Variants in SLCO6A1 observed in about 807,000 individuals in gnomAD.
SLCO6A1 encodes the protein solute carrier organic anion transporter family member 6A1.
Under a neutral mutation model 72.7 loss-of-function variants are expected in SLCO6A1, and 65 were observed. That is an observed-to-expected ratio of 0.89 (90% CI 0.73 to 1.10). The LOEUF (loss-of-function observed/expected upper bound fraction) is 1.10, where lower values mean the gene tolerates loss of function less well. Among genes scored for constraint, SLCO6A1 ranks in the 50% least tolerant of loss-of-function variants. The pLI, the probability that SLCO6A1 is intolerant of heterozygous loss-of-function variation, is 0.00. For missense variants in SLCO6A1, 874 were observed against 872.6 expected (o/e 1.00, Z -0.02); for synonymous variants, 314 against 298.2 (o/e 1.05, Z -0.55).
rs1432447430 is a variant in SLCO6A1 at position 102,427,877 on chromosome 5, T to A, written c.1277-7856A>T. Among the ~76,000 whole-genome samples the A allele has an allele frequency of 3.2e-3, 438 of 137,008 alleles. 3 individuals carry two copies. Among genetic ancestry groups the A allele is most frequent in the Non-Finnish European group, 5.3e-3 (334 of 62,524 alleles). 89.9% of individuals were successfully genotyped at this position (137,008 alleles called of 152,430 possible). A position where few individuals can be genotyped will look rare whatever the true frequency, so the allele number is the denominator to read the frequency against. ...ATATATATATATATTTTTTTTTTTT[T>A]TTTTTTTTTTGAGACCGAGTCTTGC... On this transcript the variant is annotated intron_variant, in intron 7 of 13. Coordinates refer to ENST00000506729, the MANE Select transcript of SLCO6A1 (RefSeq NM_173488.5).
intron 9 of SLCO6A1, among the ~76,000 whole-genome samples, chr5:102,405,438 T>A (rs955411785): frequency 2.6e-5 from 4 of 151,618 alleles, no homozygotes; most frequent in Non-Finnish European, 5.9e-5. Flanking sequence ...GATAAAACAA[T>A]ATATATTATA....
chr5:102,476,178 T>C (rs1751890096), intron 3 of SLCO6A1, among the ~76,000 whole-genome samples: 1 of 151,954 alleles, frequency 6.6e-6, no homozygotes, highest in South Asian at 2.1e-4. Flanking sequence ...TGTAACCAAA[T>C]ACCACCTGTT....
At chr5:102,393,115 C>T (rs917032542) in intron 10 of SLCO6A1, among the ~76,000 whole-genome samples, 12 of 151,984 alleles carry the variant, frequency 7.9e-5, no homozygotes, top group African/African-American at 1.9e-4. Flanking sequence ...CAATTTCAAG[C>T]GTATAGCTTC....
In SLCO6A1 at chr5:102,399,669, C is replaced by A. The variant is rs138283674; in HGVS notation, c.1700G>T (p.Arg567Ile). The A allele has an allele frequency of 6.2e-7, 1 of 1,609,518 alleles. No homozygotes were observed. The highest frequency in any genetic ancestry group is 2.2e-5 in the East Asian group (1 of 44,734). ...GCACTTTGCATCACATTTCCCGGGTCTGGCATCAATAAAATCACCTTCTGC... is the reference window on the plus strand; with the variant it reads ...GCACTTTGCATCACATTTCCCGGGTATGGCATCAATAAAATCACCTTCTGC... The part of the protein sequence containing the change: ...ADAEGDFIDA[R>I]PGKCDAKCYK... The change falls in exon 10 of 14, where the codon AGA (arginine) becomes ATA (isoleucine). Residue 567 changes from arginine (R) to isoleucine (I), a missense_variant. Coordinates refer to ENST00000506729, the MANE Select transcript of SLCO6A1 (RefSeq NM_173488.5).
In SLCO6A1 at chr5:102,388,745, T is replaced by A. The variant is rs746906594; in HGVS notation, c.1960A>T (p.Thr654Ser). The A allele has an allele frequency of 5.6e-6, 9 of 1,608,502 alleles. No individual in the cohort carries two copies. The South Asian group carries it at 1.0e-4, about 18-fold the overall frequency. Residue 654 changes from threonine (T) to serine (S), a missense_variant, in exon 12 of 14, where the codon ACA (threonine) becomes TCA (serine). Coordinates refer to ENST00000506729, the MANE Select transcript of SLCO6A1 (RefSeq NM_173488.5). ...ILRDVNKCGH[T>S]GRCWIYNKTK... ...TTGTTATATATCCAACAACGTCCTG[T>A]GTGTCCACATTTATTAACATCCCGT...
At chr5:102,454,143 G>A (rs781383430) in intron 6 of SLCO6A1, among the ~76,000 whole-genome samples, 1 of 152,082 alleles carries the variant, frequency 6.6e-6, no homozygotes, top group Non-Finnish European at 1.5e-5. Flanking sequence ...CCAAAGACTG[G>A]CCACCAATAT....
At chr5:102,438,087 G>A (rs1249117615) in intron 7 of SLCO6A1, among the ~76,000 whole-genome samples, 3 of 151,970 alleles carry the variant, frequency 2.0e-5, no homozygotes, top group African/African-American at 7.3e-5. Flanking sequence ...TACGCTGGTT[G>A]GAAGAGAGAA....
intron 7 of SLCO6A1, among the ~76,000 whole-genome samples, chr5:102,420,543 T>C (rs1299857602): frequency 1.3e-5 from 2 of 151,310 alleles, no homozygotes; most frequent in African/African-American, 4.9e-5. Flanking sequence ...TATCCAAGAG[T>C]AAGGAATTAG....
intron 7 of SLCO6A1, among the ~76,000 whole-genome samples, chr5:102,427,905 T>C (rs1200279541): frequency 1.3e-4 from 19 of 143,104 alleles, no homozygotes; most frequent in African/African-American, 4.7e-4. Context: ...AGTCTTGCTC[T>C]GTCACTAGGT....
At chr5:102,383,095 A>ATATATATATATATATAT (rs1554064835) in intron 12 of SLCO6A1, among the ~76,000 whole-genome samples, 12,273 of 128,056 alleles carry the variant, frequency 0.096, 714 homozygotes, top group African/African-American at 0.12. Context: ...TATGTGTGTG[A>ATATATATATATATATAT]ATATATATAT....
At chr5:102,398,607 TC>T (rs1747231407) in intron 10 of SLCO6A1, among the ~76,000 whole-genome samples, 1 of 152,210 alleles carries the variant, frequency 6.6e-6, no homozygotes, top group Non-Finnish European at 1.5e-5. Context: ...TTTGCAGTTT[TC>T]AGTGGTTCCC....
At chr5:102,390,360 A>C (rs867408039) in intron 11 of SLCO6A1, among the ~76,000 whole-genome samples, 1 of 152,192 alleles carries the variant, frequency 6.6e-6, no homozygotes, top group African/African-American at 2.4e-5. Flanking sequence ...AAGTAGATCT[A>C]GCTATAGAAT....
intron 11 of SLCO6A1, 128 bp from the exon 12 acceptor site, chr5:102,388,953 T>C (rs1363654554): frequency 1.3e-6 from 1 of 769,780 alleles, no homozygotes; most frequent in East Asian, 3.2e-5. Flanking sequence ...AATTAGCTAA[T>C]AATTTATTTA....
In SLCO6A1 at chr5:102,413,107, A is replaced by G; in HGVS notation, c.1509T>C (p.Asn503=). The G allele has an allele frequency of 6.4e-7, 1 of 1,566,828 alleles. No individual in the cohort carries two copies. The highest frequency in any genetic ancestry group is 1.8e-4 in the Middle Eastern group (1 of 5,642). ...GKLGNLTAPC[N]EKCRCSSSIY... is the part of the protein sequence containing the mutation. The stretch of plus-strand genomic sequence containing the variant: ...TTGAAGATGAGCATCTACATTTTTC[A>G]TTGCAAGGAGCCGTGAGGTTTCCCA... Residue 503 remains asparagine, a synonymous_variant, in exon 9 of 14, where the codon AAT becomes AAC. Coordinates refer to ENST00000506729, the MANE Select transcript of SLCO6A1 (RefSeq NM_173488.5).
intron 7 of SLCO6A1, among the ~76,000 whole-genome samples, chr5:102,421,001 G>A (rs185468702): frequency 3.9e-5 from 6 of 152,238 alleles, no homozygotes; most frequent in African/African-American, 7.2e-5. Context: ...CACCTCACCC[G>A]AGAAGCAGAA....
At chr5:102,481,455 T>C (rs918388494) in intron 1 of SLCO6A1, among the ~76,000 whole-genome samples, 2 of 152,176 alleles carry the variant, frequency 1.3e-5, no homozygotes, top group African/African-American at 4.8e-5. Flanking sequence ...CCCTTTGCCC[T>C]TTTTCAAATC....
At chr5:102,387,192 G>C (rs1270099906) in intron 12 of SLCO6A1, among the ~76,000 whole-genome samples, 1 of 152,062 alleles carries the variant, frequency 6.6e-6, no homozygotes, top group Non-Finnish European at 1.5e-5. Flanking sequence ...TTTTTAATAA[G>C]AACACCAAGT....
chr5:102,463,569 A>C (rs1359269834), intron 4 of SLCO6A1, among the ~76,000 whole-genome samples: 1 of 152,212 alleles, frequency 6.6e-6, no homozygotes. Flanking sequence ...TATATACACC[A>C]TGGAATACTA....
chr5:102,489,682 G>T (rs886625790), intron 1 of SLCO6A1, among the ~76,000 whole-genome samples: 1 of 152,128 alleles, frequency 6.6e-6, no homozygotes, highest in African/African-American at 2.4e-5. Flanking sequence ...TATAAAAACA[G>T]TATGGAGGTT....
Sources: allele counts gnomAD v4.1 joint callset (sites outside exome capture counted in the v4.1 genomes callset), GRCh38; gene constraint gnomAD v4.1.1; transcripts MANE v1.5; gene names NCBI Gene and HGNC (gene_info 2026-07-23, HGNC 2026-07-21).